The following NF1 variants were observed in gnomAD, a reference collection of about 807,000 sequenced individuals.
The protein encoded by NF1 is neurofibromin.
A neutral mutation model predicts 325.7 loss-of-function variants in NF1; 122 were observed. The ratio of observed to expected loss-of-function variants is 0.37; its 90% confidence interval spans 0.32 to 0.44. The LOEUF is 0.44. Among genes scored for constraint, NF1 ranks in the 20% least tolerant of loss-of-function variants. The pLI, the probability that NF1 is intolerant of heterozygous loss-of-function variation, is 1.00. For synonymous variants in NF1, 1,091 were observed against 1,186.0 expected, an observed-to-expected ratio of 0.92 and a Z score of 1.65; for missense variants, 2,140 against 3,415.4, an observed-to-expected ratio of 0.63 and a Z score of 9.31.
chr17:31,100,246 A>G (rs1912196548), intron 1 of NF1, among the ~76,000 whole-genome samples: 1 of 152,192 alleles, frequency 6.6e-6, no homozygotes, highest in African/African-American at 2.4e-5. Context: ...ATATGCGGTG[A>G]GTGATTCACA....
At chr17:31,230,521 A>C in intron 23 of NF1, 139 bp downstream of exon 23, 1 of 1,068,636 alleles carries the variant, frequency 9.4e-7, no homozygotes, top group Non-Finnish European at 1.4e-6. Flanking sequence ...TTTTCTCTAC[A>C]TCTCTTCTCA....
intron 36 of NF1, chr17:31,304,582 G>A (rs201006103): frequency 2.3e-5 from 37 of 1,614,144 alleles, no homozygotes; most frequent in Non-Finnish European, 2.8e-5. Context: ...ATCCAGAAGG[G>A]GAGGTGGTGG....
At chr17:31,152,786 G>C (rs1025358898) in intron 1 of NF1, among the ~76,000 whole-genome samples, 2 of 151,158 alleles carry the variant, frequency 1.3e-5, no homozygotes, top group Non-Finnish European at 3.0e-5. Context: ...TGGTGGATAT[G>C]TCTTTTTGGA....
intron 1 of NF1, among the ~76,000 whole-genome samples, chr17:31,131,355 G>A (rs1915376767): frequency 6.6e-6 from 1 of 152,184 alleles, no homozygotes; most frequent in African/African-American, 2.4e-5. Context: ...GTGAGAGTGG[G>A]TTGCTGCTTC....
chr17:31,250,194 A>G (rs971934968), intron 30 of NF1: 5 of 325,744 alleles, frequency 1.5e-5, no homozygotes, highest in African/African-American at 8.5e-5. Flanking sequence ...CTGCCTTTAC[A>G]AAAAGGCTCA....
intron 1 of NF1, among the ~76,000 whole-genome samples, chr17:31,105,388 G>C (rs553802145): frequency 2.6e-5 from 4 of 152,322 alleles, no homozygotes; most frequent in Non-Finnish European, 5.9e-5. Flanking sequence ...CTTCCAGATT[G>C]CATATTTTCT....
At chr17:31,274,790 C>T (rs1453656037) in intron 36 of NF1, among the ~76,000 whole-genome samples, 1 of 151,916 alleles carries the variant, frequency 6.6e-6, no homozygotes, top group Non-Finnish European at 1.5e-5. Flanking sequence ...CAAACTGTGA[C>T]TTATTCTATT....
At chr17:31,230,792 T>C (rs753067929) in intron 23 of NF1, 50 bp from the exon 24 acceptor site, 1 of 1,359,968 alleles carries the variant, frequency 7.4e-7, no homozygotes, top group South Asian at 1.2e-5. Flanking sequence ...GGTGTGTGTG[T>C]GGCTTCAAAA....
chr17:31,260,391 G>T lies in NF1; in HGVS notation c.4453G>T (p.Asp1485Tyr), dbSNP rs2067662991. 1 of 1,613,928 alleles carries T rather than the reference G, an allele frequency of 6.2e-7. No homozygotes were observed. The highest frequency in any genetic ancestry group is 1.1e-5 in the South Asian group (1 of 91,082). The change falls in exon 34 of 58, where the codon GAT becomes TAT. Residue 1485 changes from aspartate (D) to tyrosine (Y), a missense_variant. Asp to Tyr is a radical substitution (Grantham distance 160). Around this residue, in one of 10 missense-constraint regions of NF1, gnomAD observed 336 missense variants for 399.0 expected, o/e 0.84. Transcript: ENST00000358273. ...AAGGTTTTTCCTTGATATAGCATCT[G>T]ATTGTCCTACAAGTGATGCAGTAAA... ...ARRFFLDIAS[D>Y]CPTSDAVNHS...
At chr17:31,187,329 C>T (rs574172733) in intron 8 of NF1, among the ~76,000 whole-genome samples, 1 of 152,138 alleles carries the variant, frequency 6.6e-6, no homozygotes, top group Non-Finnish European at 1.5e-5. Context: ...CTTCCGAGTA[C>T]CTGGGACTAT....
chr17:31,280,516 CAAAAAAAAAAAAA>C (rs57193583), intron 36 of NF1, among the ~76,000 whole-genome samples: 3 of 79,540 alleles, frequency 3.8e-5, no homozygotes, highest in African/African-American at 4.2e-5. Flanking sequence ...GACTCTGTCT[CAAAAAAAAAAAAA>C]AAAAAAAAAA....
intron 57 of NF1, among the ~76,000 whole-genome samples, chr17:31,372,680 G>GTT (rs920576784): frequency 2.0e-5 from 3 of 152,096 alleles, no homozygotes; most frequent in Non-Finnish European, 4.4e-5. Context: ...TCTTATTTTA[G>GTT]TTTCTGGTTA....
chr17:31,175,729 A>G (rs560577045), intron 5 of NF1, among the ~76,000 whole-genome samples: 6 of 151,620 alleles, frequency 4.0e-5, no homozygotes, highest in Admixed American at 2.6e-4. Flanking sequence ...CCCTGTGTAC[A>G]TGTGTTCTTA....
rs144083249 is a variant in NF1, at chr17:31,316,337, TTC to T, written c.4836-9481_4836-9480del. ...TACCTGTCATTTGGAAAGGAAACAC[TTC>T]TGTTTGTTCAGTAACTATCATTGGA... On this transcript the variant is annotated intron_variant, in intron 36 of 57. Transcript: ENST00000358273. Among the ~76,000 whole-genome samples the T allele has an allele frequency of 3.5e-3, 540 of 152,292 alleles. 6 individuals are homozygous for T. Among genetic ancestry groups the T allele is most frequent in the African/African-American group, 0.012 (513 of 41,542 alleles).
chr17:31,125,338 G>A lies in NF1; in HGVS notation c.60+29969G>A, dbSNP rs578185265. ...ATATTGTATATATATATATATCTGG[G>A]CTATTGATGCACATTTGGATTGTTT... On this transcript the variant is annotated intron_variant, in intron 1 of 57. Transcript: ENST00000358273. Among the ~76,000 whole-genome samples the A allele has an allele frequency of 5.9e-5, 9 of 151,422 alleles. No homozygotes were observed. In the South Asian group the frequency reaches 1.7e-3, roughly 28 times the overall value.
At chr17:31,263,105 AGG>A (rs1288640486) in intron 35 of NF1, among the ~76,000 whole-genome samples, 28 of 83,406 alleles carry the variant, frequency 3.4e-4, no homozygotes, top group African/African-American at 7.4e-4. Flanking sequence ...GTAGGTAGGT[AGG>A]TAGATAGATA....
intron 29 of NF1, among the ~76,000 whole-genome samples, chr17:31,237,869 A>G (rs2067230222): frequency 6.6e-6 from 1 of 152,186 alleles, no homozygotes; most frequent in East Asian, 1.9e-4. Context: ...ATGGCAAACA[A>G]TATACTCAGG....
intron 36 of NF1, among the ~76,000 whole-genome samples, chr17:31,270,821 T>C (rs1258050171): frequency 6.6e-6 from 1 of 152,208 alleles, no homozygotes; most frequent in African/African-American, 2.4e-5. Context: ...TTCTGAGATA[T>C]TATTAACAAT....
chr17:31,172,442 T>C (rs1396781983), intron 5 of NF1, among the ~76,000 whole-genome samples: 1 of 152,172 alleles, frequency 6.6e-6, no homozygotes, highest in Non-Finnish European at 1.5e-5. Flanking sequence ...TCCAGATCTG[T>C]CTATAGATAT....
Sources: gnomAD v4.1 joint callset for allele counts (sites outside exome capture counted in the v4.1 genomes callset) on GRCh38, gnomAD v4.1.1 for gene constraint, gnomAD v4.1.1 regional missense constraint, MANE v1.5 for transcripts, NCBI Gene and HGNC (gene_info 2026-07-23, HGNC 2026-07-21) for gene names.